The following MGAT4C variants were observed in gnomAD, a reference collection of about 807,000 sequenced individuals.
MGAT4C encodes the protein alpha-1,3-mannosyl-glycoprotein 4-beta-N-acetylglucosaminyltransferase C.
MGAT4C carries 19 observed loss-of-function variants against 40.1 expected under a neutral mutation model. The observed-to-expected ratio is 0.47, with a 90% CI of 0.33 to 0.70. The LOEUF is 0.70. Among genes scored for constraint, MGAT4C ranks in the 30% least tolerant of loss-of-function variants. MGAT4C has a pLI of 0.02. For synonymous variants in MGAT4C, 181 were observed against 187.1 expected, an observed-to-expected ratio of 0.97 and a Z score of 0.27; for missense variants, 491 against 563.2, an observed-to-expected ratio of 0.87 and a Z score of 1.30.
intron 1 of MGAT4C, among the ~76,000 whole-genome samples, chr12:86,767,770 T>C (rs534157738): frequency 1.3e-5 from 2 of 152,148 alleles, no homozygotes; most frequent in South Asian, 2.1e-4. Flanking sequence ...AAAAACCACA[T>C]GATTATCTCA....
At chr12:86,119,722 C>CTTT (rs11306440) in intron 1 of MGAT4C, among the ~76,000 whole-genome samples, 2 of 122,146 alleles carry the variant, frequency 1.6e-5, no homozygotes, top group Non-Finnish European at 1.7e-5. Context: ...TCCCACCATT[C>CTTT]TTTTTTTTTT....
chr12:86,750,949 G>A (rs971015644), intron 1 of MGAT4C, among the ~76,000 whole-genome samples: 11 of 151,890 alleles, frequency 7.2e-5, no homozygotes, highest in African/African-American at 1.9e-4. Context: ...CAGCATCTAC[G>A]AGAGCTTGTG....
At chr12:86,339,533 T>A (rs1034851334) in intron 3 of MGAT4C, among the ~76,000 whole-genome samples, 1 of 152,214 alleles carries the variant, frequency 6.6e-6, no homozygotes, top group Admixed American at 6.6e-5. Flanking sequence ...CCAATCAAAT[T>A]TGATCACTCA....
intron 2 of MGAT4C, among the ~76,000 whole-genome samples, chr12:86,486,397 C>A (rs929223669): frequency 2.6e-5 from 4 of 151,210 alleles, no homozygotes; most frequent in Non-Finnish European, 5.9e-5. Context: ...CACACACACA[C>A]ACACACACAC....
At chr12:86,180,418 T>C (rs777646507) in intron 1 of MGAT4C, among the ~76,000 whole-genome samples, 77 of 152,150 alleles carry the variant, frequency 5.1e-4, no homozygotes, top group Non-Finnish European at 9.4e-4. Flanking sequence ...GATGCCACTA[T>C]CCTTCAGACC....
At chr12:86,469,014 G>T (rs567299393) in intron 2 of MGAT4C, among the ~76,000 whole-genome samples, 14 of 151,720 alleles carry the variant, frequency 9.2e-5, no homozygotes, top group Non-Finnish European at 1.8e-4. Flanking sequence ...TAATTATTTT[G>T]TTTGTCATTC....
At chr12:86,656,917 G>A (rs556288633) in intron 2 of MGAT4C, among the ~76,000 whole-genome samples, 110 of 152,074 alleles carry the variant, frequency 7.2e-4, no homozygotes, top group African/African-American at 2.4e-3. Context: ...TTTAAATTTA[G>A]CTACTTGAAA....
intron 2 of MGAT4C, among the ~76,000 whole-genome samples, chr12:86,545,205 G>A (rs1351498748): frequency 1.3e-5 from 2 of 151,846 alleles, no homozygotes; most frequent in African/African-American, 2.4e-5. Flanking sequence ...CTTAAATGAT[G>A]ACTTATACAC....
chr12:86,485,151 C>T (rs578257579), intron 2 of MGAT4C, among the ~76,000 whole-genome samples: 174 of 152,250 alleles, frequency 1.1e-3, no homozygotes, highest in African/African-American at 4.1e-3. Context: ...GAGAAAGAAT[C>T]GGCATAAGAA....
At chr12:86,615,680 A>C (rs1193011957) in intron 2 of MGAT4C, among the ~76,000 whole-genome samples, 1 of 152,102 alleles carries the variant, frequency 6.6e-6, no homozygotes, top group African/African-American at 2.4e-5. Context: ...TAATCCTATG[A>C]GATATTCTGC....
At position 86,053,956 on chromosome 12, in the gene MGAT4C, T is replaced by C. The variant is rs74608187; in HGVS notation, c.-56-4233A>G. On this transcript the variant is annotated intron_variant, in intron 1 of 4. Transcript: ENST00000611864. Reference sequence around the variant, plus strand: ...GATGAAAAATAAGTGTTAGGGAGGATATGGAGAAAAAGGAAACCCCGTGTA... The same window carrying C: ...GATGAAAAATAAGTGTTAGGGAGGACATGGAGAAAAAGGAAACCCCGTGTA... 7.4e-3 allele frequency among the ~76,000 whole-genome samples: 1,119 copies of C among 151,916 alleles called. 9 individuals are homozygous for C. The highest frequency in any genetic ancestry group is 0.011 in the Non-Finnish European group (757 of 67,880).
At chr12:86,663,353 C>CAAAAAAAAAA (rs58562873) in intron 2 of MGAT4C, among the ~76,000 whole-genome samples, 21 of 44,768 alleles carry the variant, frequency 4.7e-4, no homozygotes, top group African/African-American at 1.4e-3. Flanking sequence ...TCCTCTGTCT[C>CAAAAAAAAAA]AAAAAAAAAA....
chr12:86,557,429 C>CCTG (rs1308269906), intron 2 of MGAT4C, among the ~76,000 whole-genome samples: 9 of 152,106 alleles, frequency 5.9e-5, no homozygotes, highest in African/African-American at 2.2e-4. Context: ...TGAGGACAAG[C>CCTG]CTGCTATTCC....
At chr12:86,012,753 A>AAAC (rs552362981) in intron 2 of MGAT4C, among the ~76,000 whole-genome samples, 28,931 of 109,224 alleles carry the variant, frequency 0.26, 5,160 homozygotes, top group South Asian at 0.51. Flanking sequence ...ACTCCGTCTC[A>AAAC]AACAACAACA....
chr12:86,639,725 G>A (rs1963324405), intron 2 of MGAT4C, among the ~76,000 whole-genome samples: 1 of 151,640 alleles, frequency 6.6e-6, no homozygotes, highest in Admixed American at 6.6e-5. Flanking sequence ...CAATAGGAAT[G>A]GAGAAAATCA....
intron 4 of MGAT4C, among the ~76,000 whole-genome samples, chr12:86,263,378 T>C (rs1341614688): frequency 6.6e-6 from 1 of 152,166 alleles, no homozygotes; most frequent in East Asian, 1.9e-4. Context: ...ATACTCTCTA[T>C]GTCCATGTTT....
chr12:86,630,603 C>T (rs1963000314), intron 2 of MGAT4C, among the ~76,000 whole-genome samples: 1 of 151,972 alleles, frequency 6.6e-6, no homozygotes, highest in African/African-American at 2.4e-5. Flanking sequence ...TCAACATATG[C>T]AAATCAATAA....
chr12:86,805,485 C>T (rs1284776109), intron 1 of MGAT4C, among the ~76,000 whole-genome samples: 1 of 151,800 alleles, frequency 6.6e-6, no homozygotes, highest in Non-Finnish European at 1.5e-5. Context: ...TCTATTTCTG[C>T]GTAAATTTGC....
At chr12:86,829,195 G>A (rs1171975289) in intron 1 of MGAT4C, among the ~76,000 whole-genome samples, 1 of 151,380 alleles carries the variant, frequency 6.6e-6, no homozygotes, top group East Asian at 1.9e-4. Context: ...AAAATAATAT[G>A]AGAAATTGTT....
Sources: gnomAD v4.1 joint callset for allele counts (sites outside exome capture counted in the v4.1 genomes callset) on GRCh38, gnomAD v4.1.1 for gene constraint, MANE v1.5 for transcripts, NCBI Gene and HGNC (gene_info 2026-07-23, HGNC 2026-07-21) for gene names.